PBX3: variants seen among roughly 807,000 people sequenced by gnomAD.
The protein encoded by PBX3 is pre-B-cell leukemia transcription factor 3.
A neutral mutation model predicts 48.5 loss-of-function variants in PBX3; 14 were observed. The ratio of observed to expected loss-of-function variants is 0.29; its 90% CI spans 0.19 to 0.45. PBX3 has a LOEUF of 0.45. Among genes scored for constraint, PBX3 ranks in the 20% least tolerant of loss-of-function variants. PBX3 has a pLI of 1.00. For missense variants in PBX3, 386 were observed against 546.7 expected (o/e 0.71, Z 2.93); for synonymous variants, 210 against 200.3 (o/e 1.05, Z -0.41).
At chr9:125,796,718 A>G (rs1837791583) in intron 2 of PBX3, among the ~76,000 whole-genome samples, 3 of 152,236 alleles carry the variant, frequency 2.0e-5, no homozygotes, top group South Asian at 2.1e-4. Flanking sequence ...GCATTAGTCA[A>G]GTTTCTTAAT....
intron 2 of PBX3, among the ~76,000 whole-genome samples, chr9:125,902,196 A>G (rs1386768741): frequency 6.6e-6 from 1 of 151,644 alleles, no homozygotes; most frequent in Non-Finnish European, 1.5e-5. Flanking sequence ...ATTAGACTGA[A>G]TTTTTAGTTA....
At chr9:125,947,708 A>T (rs10987056) in intron 5 of PBX3, among the ~76,000 whole-genome samples, 3,076 of 152,206 alleles carry the variant, frequency 0.02, 177 homozygotes, top group East Asian at 0.17. Context: ...AAAGTAAATG[A>T]ATTTAATACT....
At chr9:125,886,727 A>G (rs904957613) in intron 2 of PBX3, among the ~76,000 whole-genome samples, 3 of 152,186 alleles carry the variant, frequency 2.0e-5, no homozygotes, top group Admixed American at 2.0e-4. Flanking sequence ...TCCTACAATT[A>G]AGACAGATAA....
chr9:125,810,601 A>G (rs1335731527), intron 2 of PBX3, among the ~76,000 whole-genome samples: 1 of 152,084 alleles, frequency 6.6e-6, no homozygotes, highest in Admixed American at 6.6e-5. Context: ...GGACATTTTT[A>G]TCTGGGTAGT....
At chr9:125,843,919 G>A in intron 2 of PBX3, 1 of 343,548 alleles carries the variant, frequency 2.9e-6, no homozygotes, top group South Asian at 2.2e-5. Flanking sequence ...GAGATGAGGT[G>A]AGATTGAAGT....
chr9:125,762,197 TAA>T (rs1836687271), intron 2 of PBX3, among the ~76,000 whole-genome samples: 1 of 152,176 alleles, frequency 6.6e-6, no homozygotes, highest in African/African-American at 2.4e-5. Context: ...TAAAAATTAC[TAA>T]ATTTTCAGGA....
At chr9:125,769,263 CCTTTG>C (rs1373282629) in intron 2 of PBX3, among the ~76,000 whole-genome samples, 1 of 152,178 alleles carries the variant, frequency 6.6e-6, no homozygotes, top group African/African-American at 2.4e-5. Context: ...GTTTTATCCA[CCTTTG>C]CTTTGTGCAC....
intron 2 of PBX3, among the ~76,000 whole-genome samples, chr9:125,906,237 T>A (rs1199936158): frequency 6.6e-6 from 1 of 151,998 alleles, no homozygotes; most frequent in Non-Finnish European, 1.5e-5. Context: ...CTGTGTCCTT[T>A]ATAATAATAC....
intron 2 of PBX3, among the ~76,000 whole-genome samples, chr9:125,866,171 T>C (rs1839975708): frequency 6.6e-6 from 1 of 152,208 alleles, no homozygotes; most frequent in African/African-American, 2.4e-5. Context: ...TATGCTGTTG[T>C]GTAGCTGGCA....
intron 2 of PBX3, among the ~76,000 whole-genome samples, chr9:125,804,693 C>T (rs905129663): frequency 3.9e-5 from 6 of 152,090 alleles, no homozygotes; most frequent in African/African-American, 1.4e-4. Flanking sequence ...AATACCAGCA[C>T]TTTGAGAGGC....
intron 2 of PBX3, among the ~76,000 whole-genome samples, chr9:125,793,770 A>G (rs984402617): frequency 6.6e-6 from 1 of 152,194 alleles, no homozygotes; most frequent in East Asian, 1.9e-4. Flanking sequence ...CCATCATTGC[A>G]GTTGGGATAA....
At chr9:125,916,332 G>A (rs1418061435) in intron 3 of PBX3, among the ~76,000 whole-genome samples, 1 of 152,110 alleles carries the variant, frequency 6.6e-6, no homozygotes, top group Non-Finnish European at 1.5e-5. Context: ...TCCCTCCTAT[G>A]CTGTGAGCTC....
chr9:125,951,571 T>C (rs770540647), intron 5 of PBX3, among the ~76,000 whole-genome samples: 1 of 152,156 alleles, frequency 6.6e-6, no homozygotes, highest in Non-Finnish European at 1.5e-5. Flanking sequence ...TGATTTGTTT[T>C]AAGAAAAGGG....
chr9:125,905,307 A>G (rs186277122), intron 2 of PBX3, among the ~76,000 whole-genome samples: 11 of 152,146 alleles, frequency 7.2e-5, no homozygotes, highest in Non-Finnish European at 1.5e-4. Flanking sequence ...GCCAATATCC[A>G]TCCTCCTAAC....
At chr9:125,906,133 T>G (rs1841066179) in intron 2 of PBX3, among the ~76,000 whole-genome samples, 1 of 151,928 alleles carries the variant, frequency 6.6e-6, no homozygotes, top group Admixed American at 6.6e-5. Flanking sequence ...TATTAAAGAG[T>G]CAGCACACTT....
At chr9:125,841,079 C>G (rs1433786108) in intron 2 of PBX3, among the ~76,000 whole-genome samples, 1 of 152,072 alleles carries the variant, frequency 6.6e-6, no homozygotes, top group African/African-American at 2.4e-5. Context: ...CTATGAATAG[C>G]CTCTTTGCAT....
chr9:125,847,115 G>T (rs1839445297), intron 2 of PBX3, among the ~76,000 whole-genome samples: 1 of 151,894 alleles, frequency 6.6e-6, no homozygotes. Context: ...TTCATAGGTT[G>T]TGTTATATTC....
intron 2 of PBX3, among the ~76,000 whole-genome samples, chr9:125,760,108 C>T (rs568014693): frequency 2.0e-5 from 3 of 152,284 alleles, no homozygotes; most frequent in East Asian, 1.9e-4. Context: ...GTTTATTTCA[C>T]GCGGTTTGTT....
intron 2 of PBX3, among the ~76,000 whole-genome samples, chr9:125,791,297 G>GTCTATCTATCTATCTA (rs1244054851): frequency 3.1e-5 from 4 of 127,980 alleles, no homozygotes; most frequent in Non-Finnish European, 5.0e-5. Flanking sequence ...CTGTCTGTCT[G>GTCTATCTATCTATCTA]TCTGTCTATC....
Sources: gnomAD v4.1 joint callset for allele counts (sites outside exome capture counted in the v4.1 genomes callset) on GRCh38, gnomAD v4.1.1 for gene constraint, MANE v1.5 for transcripts, NCBI Gene and HGNC (gene_info 2026-07-23, HGNC 2026-07-21) for gene names.